The following CDYL variants were observed in gnomAD, a reference collection of about 807,000 sequenced individuals.
CDYL encodes the protein chromodomain Y like, also known as chromodomain Y-like protein.
Under a neutral mutation model 47.3 loss-of-function variants are expected in CDYL, and 8 were observed. That is an observed-to-expected ratio of 0.17 (90% CI 0.10 to 0.31). CDYL has a LOEUF of 0.31. Among genes scored for constraint, CDYL ranks in the 10% least tolerant of loss-of-function variants. The pLI, the probability that CDYL is intolerant of heterozygous loss-of-function variation, is 1.00. For synonymous variants in CDYL, 266 were observed against 265.0 expected, an observed-to-expected ratio of 1.00 and a Z score of -0.04; for missense variants, 471 against 701.4, an observed-to-expected ratio of 0.67 and a Z score of 3.71.
chr6:4,879,780 G>C (rs549564235), intron 1 of CDYL, among the ~76,000 whole-genome samples: 1 of 151,912 alleles, frequency 6.6e-6, no homozygotes, highest in Non-Finnish European at 1.5e-5. Flanking sequence ...GGCTAGTCTT[G>C]GACTCCTGAC....
chr6:4,950,074 C>T (rs1391497705), intron 5 of CDYL, among the ~76,000 whole-genome samples: 1 of 152,192 alleles, frequency 6.6e-6, no homozygotes, highest in African/African-American at 2.4e-5. Context: ...AGAGAAGGGC[C>T]GTTCTCGGCT....
intron 1 of CDYL, among the ~76,000 whole-genome samples, chr6:4,829,858 C>G (rs539189470): frequency 6.6e-6 from 1 of 152,186 alleles, no homozygotes; most frequent in African/African-American, 2.4e-5. Context: ...GGGACTTTCC[C>G]ACTGGGAATG....
intron 1 of CDYL, among the ~76,000 whole-genome samples, chr6:4,807,204 A>G (rs914605398): frequency 1.3e-5 from 2 of 152,202 alleles, no homozygotes; most frequent in Non-Finnish European, 2.9e-5. Context: ...TTAGGGCTTC[A>G]ATATAGGAGT....
intron 5 of CDYL, among the ~76,000 whole-genome samples, chr6:4,946,063 G>A (rs1758505752): frequency 6.6e-6 from 1 of 152,206 alleles, no homozygotes; most frequent in African/African-American, 2.4e-5. Context: ...GATCACATTG[G>A]CATCTCCTGC....
At chr6:4,952,757 T>C (rs1758747102) in intron 6 of CDYL, among the ~76,000 whole-genome samples, 1 of 152,068 alleles carries the variant, frequency 6.6e-6, no homozygotes, top group South Asian at 2.1e-4. Context: ...ACAGTGGGCC[T>C]AAGTTGTTTT....
At chr6:4,900,438 G>T (rs1756989469) in intron 2 of CDYL, among the ~76,000 whole-genome samples, 1 of 151,732 alleles carries the variant, frequency 6.6e-6, no homozygotes, top group African/African-American at 2.4e-5. Flanking sequence ...CCCCATATAT[G>T]TTTATACACA....
At chr6:4,935,827 A>T in intron 3 of CDYL, 56 bp downstream of exon 3, 1 of 1,602,760 alleles carries the variant, frequency 6.2e-7, no homozygotes, top group Non-Finnish European at 8.5e-7. Flanking sequence ...CCTGATTTCC[A>T]GGCCTGCCTG....
At chr6:4,786,713 G>A (rs945908343) in intron 1 of CDYL, among the ~76,000 whole-genome samples, 8 of 152,114 alleles carry the variant, frequency 5.3e-5, no homozygotes, top group Non-Finnish European at 8.8e-5. Flanking sequence ...GGGAGCATTT[G>A]TAGGGTCCCT....
At chr6:4,798,931 G>C (rs62386574) in intron 1 of CDYL, among the ~76,000 whole-genome samples, 1 of 151,978 alleles carries the variant, frequency 6.6e-6, no homozygotes, top group Non-Finnish European at 1.5e-5. Context: ...AAAATGTTGC[G>C]TTCATTAGCA....
chr6:4,729,600 G>A (rs1041471309), intron 2 of CDYL, among the ~76,000 whole-genome samples: 1 of 152,184 alleles, frequency 6.6e-6, no homozygotes, highest in Non-Finnish European at 1.5e-5. Flanking sequence ...AAAAAACAAT[G>A]ACCAAATCAC....
rs545689364 is a variant in CDYL at position 4,744,431 on chromosome 6, G to T, written c.186+9587G>T. ...GATTGCTTGAGCCCAGGAGTTCAAG[G>T]CTGCAGTGAGCTATGATTGAACCCA... On this transcript the variant is annotated intron_variant, in intron 3 of 8. Coordinates refer to the CDYL transcript ENST00000328908. Among the ~76,000 whole-genome samples, 174 of 152,150 alleles carry T rather than the reference G, an allele frequency of 1.1e-3. 2 individuals are homozygous for T. The South Asian group carries it at 0.013, about 12-fold the overall frequency.
chr6:4,721,338 C>A (rs1031350414), intron 2 of CDYL, among the ~76,000 whole-genome samples: 14 of 152,000 alleles, frequency 9.2e-5, no homozygotes, highest in Non-Finnish European at 1.6e-4. Flanking sequence ...CTGTGTGCTG[C>A]CGAAGAGAGC....
chr6:4,925,503 C>A (rs914897837), intron 2 of CDYL, among the ~76,000 whole-genome samples: 2 of 150,792 alleles, frequency 1.3e-5, no homozygotes, highest in East Asian at 3.9e-4. Flanking sequence ...GCTCCGCCTC[C>A]CAGGTTCACT....
chr6:4,821,722 C>T (rs1759843997), intron 1 of CDYL, among the ~76,000 whole-genome samples: 1 of 148,938 alleles, frequency 6.7e-6, no homozygotes. Flanking sequence ...GGCTCTAGAG[C>T]AAGACTGTAT....
intron 2 of CDYL, among the ~76,000 whole-genome samples, chr6:4,729,419 C>T (rs1757567875): frequency 6.6e-6 from 1 of 151,960 alleles, no homozygotes. Context: ...ACCTTGATAC[C>T]TTCTCAGACC....
intron 1 of CDYL, among the ~76,000 whole-genome samples, chr6:4,823,383 A>C (rs950699410): frequency 6.6e-6 from 1 of 152,196 alleles, no homozygotes; most frequent in Non-Finnish European, 1.5e-5. Flanking sequence ...GTAAGAGTGC[A>C]TGGATACACA....
At chr6:4,883,430 G>T (rs956254722) in intron 1 of CDYL, among the ~76,000 whole-genome samples, 1 of 152,154 alleles carries the variant, frequency 6.6e-6, no homozygotes, top group Non-Finnish European at 1.5e-5. Context: ...GACCCATGCG[G>T]AGAATTCTAT....
At chr6:4,813,773 G>A (rs548809612) in intron 1 of CDYL, among the ~76,000 whole-genome samples, 7 of 151,776 alleles carry the variant, frequency 4.6e-5, no homozygotes, top group South Asian at 2.1e-4. Flanking sequence ...TTGTTTTTTC[G>A]TTTTTCTGTT....
chr6:4,900,779 G>GTGTGTGTATATATATATATATATATATA, intron 2 of CDYL, among the ~76,000 whole-genome samples: 2 of 51,718 alleles, frequency 3.9e-5, no homozygotes, highest in Non-Finnish European at 8.3e-5. Context: ...GTATACGTGT[G>GTGTGTGTATATATATATATATATATATA]TATATATATA....
Sources: allele counts gnomAD v4.1 joint callset (sites outside exome capture counted in the v4.1 genomes callset), GRCh38; gene constraint gnomAD v4.1.1; transcripts MANE v1.5; gene names NCBI Gene and HGNC (gene_info 2026-07-23, HGNC 2026-07-21).